SERPINB8: variants seen among roughly 807,000 people sequenced by gnomAD.
SERPINB8 encodes serpin family B member 8.
SERPINB8 carries 25 observed loss-of-function variants against 35.3 expected under a neutral mutation model. That is an observed-to-expected ratio of 0.71 (90% confidence interval 0.52 to 0.99). The LOEUF (loss-of-function observed/expected upper bound fraction) is 0.99, where lower values mean the gene tolerates loss of function less well. Among genes scored for constraint, SERPINB8 ranks in the 50% least tolerant of loss-of-function variants. The pLI is 0.00. For synonymous variants in SERPINB8, 186 were observed against 160.8 expected, an observed-to-expected ratio of 1.16 and a Z score of -1.19; for missense variants, 484 against 446.5, an observed-to-expected ratio of 1.08 and a Z score of -0.76.
chr18:64,013,724 G>C lies in SERPINB8; in HGVS notation c.*3-5186G>C, dbSNP rs560656366. Among the ~76,000 whole-genome samples the C allele has an allele frequency of 2.6e-5, 4 of 152,326 alleles. No individual in the cohort carries two copies. In the East Asian group the frequency reaches 7.7e-4, roughly 29 times the overall value. ...AGTGAGGGAAACCCTCTTTGAGAAA[G>C]TACCATTTAAGATCTAAATTTTGGG... On this transcript the variant is annotated intron_variant, in intron 7 of 7. Coordinates refer to the SERPINB8 transcript ENST00000636430.
At chr18:64,019,626 A>G (rs2050966930) in exon 8 of SERPINB8, 1 of 152,058 alleles carries the variant, frequency 6.6e-6, no homozygotes, top group Non-Finnish European at 1.5e-5. Flanking sequence ...TACGCTGTTA[A>G]GATTTATGCC....
intron 7 of SERPINB8, among the ~76,000 whole-genome samples, chr18:64,014,119 A>C (rs1029923061): frequency 6.6e-6 from 1 of 152,226 alleles, no homozygotes; most frequent in Non-Finnish European, 1.5e-5. Context: ...TGAGAATATC[A>C]TTTTAATAGT....
chr18:63,998,444 AATG>A (rs1251418415), intron 1 of SERPINB8, among the ~76,000 whole-genome samples: 2 of 152,186 alleles, frequency 1.3e-5, no homozygotes, highest in East Asian at 1.9e-4. Context: ...AAGCCACAGC[AATG>A]ATCGCATATT....
chr18:63,986,174 C>T, intron 6 of SERPINB8: 1 of 1,262,822 alleles, frequency 7.9e-7, no homozygotes, highest in Non-Finnish European at 1.1e-6. Flanking sequence ...GGAGTACCCA[C>T]CTGGGCTCCA....
rs1260468159 is a variant in SERPINB8 at position 63,988,385 on chromosome 18, T to C, written c.*1107T>C. 1.3e-5 allele frequency: 2 copies of C among 152,206 alleles called. No individual in the cohort carries two copies. The highest frequency in any genetic ancestry group is 2.9e-5 in the Non-Finnish European group (2 of 68,040). The allele number at this position is 152,206 out of a possible 1,614,324, so 9.4% of individuals were successfully genotyped here. A position where few individuals can be genotyped will look rare whatever the true frequency, so the allele number is the denominator to read the frequency against. Reference sequence around the variant, plus strand: ...TCTAATTTTAGACAGTTTGAGTAATTAAAATTATTTCTATTAACAAATAAT... The same window carrying C: ...TCTAATTTTAGACAGTTTGAGTAATCAAAATTATTTCTATTAACAAATAAT... On this transcript the variant is annotated 3_prime_UTR_variant, in exon 7 of 7. Coordinates refer to ENST00000397985, the MANE Select transcript of SERPINB8 (RefSeq NM_002640.4).
At chr18:64,014,772 C>T (rs950757083) in intron 7 of SERPINB8, among the ~76,000 whole-genome samples, 2 of 152,084 alleles carry the variant, frequency 1.3e-5, no homozygotes, top group East Asian at 1.9e-4. Flanking sequence ...TCTTCAGGCT[C>T]CATGCCGTTT....
At chr18:63,984,949 G>T in intron 5 of SERPINB8, 144 bp from the exon 6 acceptor site, 1 of 704,030 alleles carries the variant, frequency 1.4e-6, no homozygotes, top group Non-Finnish European at 2.3e-6. Context: ...ATACTAAGAT[G>T]TACTAATGAA....
intron 1 of SERPINB8, among the ~76,000 whole-genome samples, chr18:64,002,756 G>T (rs2144842899): frequency 6.6e-6 from 1 of 152,174 alleles, no homozygotes; most frequent in African/African-American, 2.4e-5. Flanking sequence ...TCCCCCACGC[G>T]GCCCCAGCCT....
Position 63,987,454 on chromosome 18 carries a change from A to G in SERPINB8, c.*176A>G. ...AGCCATTGAGAATAACTGAGGCCGC[A>G]GATGCATGAAATTTGGGCCTGGGAA... On this transcript the variant is annotated 3_prime_UTR_variant, in exon 7 of 7. Transcript: ENST00000397985. 1.5e-6 allele frequency: 1 copy of G among 686,030 alleles called. No individual in the cohort carries two copies. The highest frequency in any genetic ancestry group is 2.3e-6 in the Non-Finnish European group (1 of 425,570). The allele number at this position is 686,030 out of a possible 1,614,324, so 42.5% of individuals were successfully genotyped here. A position where few individuals can be genotyped will look rare whatever the true frequency, so the allele number is the denominator to read the frequency against.
At chr18:64,019,062 G>T (rs553225701) in exon 8 of SERPINB8, 136 of 152,278 alleles carry the variant, frequency 8.9e-4, no homozygotes, top group African/African-American at 3.1e-3. Flanking sequence ...ATAGAAAACT[G>T]CCTACTGGAA....
chr18:63,994,567 G>C (rs1288729445), intron 1 of SERPINB8, among the ~76,000 whole-genome samples: 1 of 152,106 alleles, frequency 6.6e-6, no homozygotes, highest in Non-Finnish European at 1.5e-5. Context: ...CTAATGTGTT[G>C]TTTACAGAAG....
intron 5 of SERPINB8, 94 bp downstream of exon 5, chr18:63,983,815 T>C (rs2050709683): frequency 2.2e-6 from 2 of 899,906 alleles, no homozygotes. Flanking sequence ...TTTGACATGA[T>C]CTTGATTTTA....
intron 3 of SERPINB8, 127 bp from the exon 4 acceptor site, chr18:63,981,594 C>A: frequency 1.5e-6 from 1 of 675,890 alleles, no homozygotes; most frequent in Non-Finnish European, 2.6e-6. Context: ...TGCACGCATG[C>A]ACCTTGAAGT....
chr18:63,997,012 C>A (rs1766209952), intron 1 of SERPINB8, among the ~76,000 whole-genome samples: 1 of 152,304 alleles, frequency 6.6e-6, no homozygotes, highest in East Asian at 1.9e-4. Flanking sequence ...TCCCCTGGAC[C>A]CCATGGATCC....
chr18:63,989,814 G>A (rs1428790394), downstream of SERPINB8, among the ~76,000 whole-genome samples: 1 of 150,294 alleles, frequency 6.7e-6, no homozygotes, highest in African/African-American at 2.4e-5. Flanking sequence ...GTAGTGGTGG[G>A]CGCCTGTAGT....
At chr18:63,986,106 T>G (rs1319384772) in intron 6 of SERPINB8, 4 of 688,604 alleles carry the variant, frequency 5.8e-6, no homozygotes, top group Non-Finnish European at 9.9e-6. Flanking sequence ...TGGCCACTTA[T>G]GAGAAAATTA....
At chr18:64,016,609 A>T (rs2050951688) in intron 7 of SERPINB8, among the ~76,000 whole-genome samples, 1 of 152,204 alleles carries the variant, frequency 6.6e-6, no homozygotes, top group Non-Finnish European at 1.5e-5. Context: ...GGAATATGCT[A>T]AATGCCTCCC....
intron 4 of SERPINB8, 50 bp from the exon 5 acceptor site, chr18:63,983,529 A>G: frequency 6.3e-7 from 1 of 1,585,034 alleles, no homozygotes; most frequent in Non-Finnish European, 8.7e-7. Context: ...TTTTTGTAAA[A>G]GAATGCTTAT....
At chr18:63,994,263 C>A (rs1262408524), downstream of SERPINB8, among the ~76,000 whole-genome samples, 2 of 152,106 alleles carry the variant, frequency 1.3e-5, no homozygotes, top group African/African-American at 4.8e-5. Context: ...TTGACTGTTA[C>A]TTTCAGTGGG....
Sources: allele counts gnomAD v4.1 joint callset (sites outside exome capture counted in the v4.1 genomes callset), GRCh38; gene constraint gnomAD v4.1.1; transcripts MANE v1.5; gene names NCBI Gene and HGNC (gene_info 2026-07-23, HGNC 2026-07-21).